Variants in SGCD observed in about 807,000 individuals in gnomAD.
SGCD encodes the protein sarcoglycan delta, also known as delta-sarcoglycan.
Under a neutral mutation model 36.6 loss-of-function variants are expected in SGCD, and 18 were observed. The observed-to-expected ratio is 0.49, with a 90% CI of 0.34 to 0.73. SGCD has a LOEUF of 0.73. Ranked by LOEUF, SGCD falls within the 30% of genes least tolerant of loss-of-function variation. The pLI, the probability that SGCD is intolerant of heterozygous loss-of-function variation, is 0.01. For synonymous variants in SGCD, 133 were observed against 130.6 expected (o/e 1.02, Z -0.12); for missense variants, 387 against 346.7 (o/e 1.12, Z -0.92).
chr5:156,159,879 T>C (rs556805897), intron 3 of SGCD, among the ~76,000 whole-genome samples: 18 of 151,762 alleles, frequency 1.2e-4, no homozygotes, highest in South Asian at 6.2e-4. Context: ...CTTTAACAAA[T>C]CTTGTATTGT....
At chr5:156,324,880 G>T (rs7729633), upstream of SGCD, among the ~76,000 whole-genome samples, 1 of 152,066 alleles carries the variant, frequency 6.6e-6, no homozygotes, top group Non-Finnish European at 1.5e-5. Context: ...TTTAGAATTT[G>T]CAGCAGCTAT....
the SGCD span, among the ~76,000 whole-genome samples, chr5:155,812,729 C>A: frequency 2.6e-5 from 4 of 152,154 alleles, no homozygotes; most frequent in African/African-American, 9.7e-5. Context: ...ATGCAGATTT[C>A]CAGGCCCCAA....
At chr5:155,853,922 C>G in the SGCD span, among the ~76,000 whole-genome samples, 2 of 152,154 alleles carry the variant, frequency 1.3e-5, no homozygotes, top group African/African-American at 4.8e-5. Flanking sequence ...GTTGAAATTG[C>G]TTTCATGTGG....
At chr5:156,754,841 A>G (rs911805463) in intron 7 of SGCD, among the ~76,000 whole-genome samples, 6 of 152,238 alleles carry the variant, frequency 3.9e-5, no homozygotes, top group African/African-American at 1.4e-4. Context: ...AAGGCAAGAA[A>G]TAAGACCAGC....
At chr5:155,836,055 CT>C in the SGCD span, among the ~76,000 whole-genome samples, 1 of 152,204 alleles carries the variant, frequency 6.6e-6, no homozygotes, top group African/African-American at 2.4e-5. Flanking sequence ...TAACAGGGAT[CT>C]ACTGTATAGT....
chr5:156,133,914 A>AACACACACACACACAC (rs70981997), intron 3 of SGCD, among the ~76,000 whole-genome samples: 39 of 140,326 alleles, frequency 2.8e-4, no homozygotes, highest in Non-Finnish European at 3.7e-4. Context: ...GCCGGGTTAA[A>AACACACACACACACAC]ACACACACAC....
chr5:155,916,344 G>A (rs1756740750), intron 1 of SGCD, among the ~76,000 whole-genome samples: 1 of 152,132 alleles, frequency 6.6e-6, no homozygotes, highest in Non-Finnish European at 1.5e-5. Context: ...TTACGTTTTA[G>A]TGGATACATT....
chr5:155,841,060 CTTATTGCT>C, the SGCD span, among the ~76,000 whole-genome samples: 1 of 140,296 alleles, frequency 7.1e-6, no homozygotes, highest in Non-Finnish European at 1.5e-5. Flanking sequence ...ACTGGGTGTG[CTTATTGCT>C]ACTTGGGCAT....
intron 6 of SGCD, among the ~76,000 whole-genome samples, chr5:156,610,181 C>T (rs1761720742): frequency 6.6e-6 from 1 of 152,040 alleles, no homozygotes; most frequent in African/African-American, 2.4e-5. Context: ...GTTTTATCTA[C>T]CTTTGGTCTT....
chr5:155,924,068 A>G (rs1312145396), intron 1 of SGCD, among the ~76,000 whole-genome samples: 1 of 152,186 alleles, frequency 6.6e-6, no homozygotes, highest in Non-Finnish European at 1.5e-5. Context: ...TGGTGACCCA[A>G]AAAATAAATA....
chr5:156,677,193 C>T (rs1483537013), intron 7 of SGCD, among the ~76,000 whole-genome samples: 1 of 152,172 alleles, frequency 6.6e-6, no homozygotes, highest in Non-Finnish European at 1.5e-5. Context: ...ATAAATCATG[C>T]TGCTATAAAG....
chr5:155,808,521 C>T, the SGCD span, among the ~76,000 whole-genome samples: 1 of 152,164 alleles, frequency 6.6e-6, no homozygotes, highest in African/African-American at 2.4e-5. Context: ...TTCTCTGTCC[C>T]GTATTTTTTC....
At chr5:156,048,193 G>C (rs1047644621) in intron 1 of SGCD, among the ~76,000 whole-genome samples, 2 of 152,180 alleles carry the variant, frequency 1.3e-5, no homozygotes, top group African/African-American at 2.4e-5. Flanking sequence ...TGGTGTATAT[G>C]TGCCACCTTT....
At chr5:156,431,567 A>G (rs1425171157) in intron 3 of SGCD, among the ~76,000 whole-genome samples, 3 of 152,122 alleles carry the variant, frequency 2.0e-5, no homozygotes, top group South Asian at 4.1e-4. Context: ...CTGCTGTAAG[A>G]AACCTCCCAC....
At chr5:156,107,365 G>A (rs1004753036) in intron 1 of SGCD, among the ~76,000 whole-genome samples, 1 of 152,074 alleles carries the variant, frequency 6.6e-6, no homozygotes, top group Non-Finnish European at 1.5e-5. Context: ...AATTGCAGAA[G>A]GTTCACGGAA....
intron 1 of SGCD, among the ~76,000 whole-genome samples, chr5:155,880,342 ATAT>A (rs1755857573): frequency 6.6e-6 from 1 of 152,192 alleles, no homozygotes; most frequent in Non-Finnish European, 1.5e-5. Context: ...ATGTTTAAAA[ATAT>A]TATTCTCAAA....
At chr5:156,611,450 G>A (rs535492917) in intron 6 of SGCD, among the ~76,000 whole-genome samples, 216 of 152,232 alleles carry the variant, frequency 1.4e-3, no homozygotes, top group African/African-American at 4.6e-3. Context: ...ACCCTGCCCT[G>A]CAAGGTTTCT....
At chr5:156,579,216 G>A (rs1257253254) in intron 4 of SGCD, among the ~76,000 whole-genome samples, 3 of 152,202 alleles carry the variant, frequency 2.0e-5, no homozygotes, top group Admixed American at 2.0e-4. Flanking sequence ...ATGTAGTTGA[G>A]TGGTTTTGAG....
At chr5:156,110,475 C>T (rs555329874) in intron 1 of SGCD, among the ~76,000 whole-genome samples, 2 of 151,882 alleles carry the variant, frequency 1.3e-5, no homozygotes, top group East Asian at 3.9e-4. Context: ...TTTCACTCAC[C>T]TATAATTTTC....
Sources: gnomAD v4.1 joint callset for allele counts (sites outside exome capture counted in the v4.1 genomes callset) on GRCh38, gnomAD v4.1.1 for gene constraint, MANE v1.5 for transcripts, NCBI Gene and HGNC (gene_info 2026-07-23, HGNC 2026-07-21) for gene names.